ZFPM2: variants seen among roughly 807,000 people sequenced by gnomAD.
ZFPM2 encodes zinc finger protein, FOG family member 2.
Under a neutral mutation model 98.6 loss-of-function variants are expected in ZFPM2, and 20 were observed. That is an observed-to-expected ratio of 0.20 (90% confidence interval 0.14 to 0.29). ZFPM2 has a LOEUF of 0.29. Among genes scored for constraint, ZFPM2 ranks in the 10% least tolerant of loss-of-function variants. The probability of loss-of-function intolerance (pLI) is 1.00; values close to 1 mark genes in which losing one functional copy is unlikely to be tolerated. For synonymous variants in ZFPM2, 518 were observed against 502.7 expected (o/e 1.03, Z -0.41); for missense variants, 1,310 against 1,388.6 (o/e 0.94, Z 0.90).
At chr8:105,413,921 C>A (rs1811629452) in intron 1 of ZFPM2, among the ~76,000 whole-genome samples, 1 of 151,880 alleles carries the variant, frequency 6.6e-6, no homozygotes, top group Non-Finnish European at 1.5e-5. Context: ...GTTTTCGGGG[C>A]AAATTCACCT....
At chr8:105,789,672 A>G (rs1254990098) in intron 6 of ZFPM2, among the ~76,000 whole-genome samples, 1 of 152,072 alleles carries the variant, frequency 6.6e-6, no homozygotes, top group Non-Finnish European at 1.5e-5. Context: ...TGACTTCCAC[A>G]ATGGTTGAAC....
At chr8:105,560,120 A>G (rs1815097328) in intron 3 of ZFPM2, among the ~76,000 whole-genome samples, 2 of 149,978 alleles carry the variant, frequency 1.3e-5, no homozygotes, top group Admixed American at 6.7e-5. Flanking sequence ...GGCAGGAGAA[A>G]CTCTTGAACG....
chr8:105,386,646 G>T (rs1476896391), intron 1 of ZFPM2, among the ~76,000 whole-genome samples: 1 of 152,118 alleles, frequency 6.6e-6, no homozygotes, highest in Non-Finnish European at 1.5e-5. Flanking sequence ...TGCACAGAGC[G>T]AAAGAACAAA....
At chr8:105,789,107 T>TAAG (rs1813514712) in intron 6 of ZFPM2, 183 bp downstream of exon 6, 1 of 559,500 alleles carries the variant, frequency 1.8e-6, no homozygotes, top group East Asian at 3.0e-5. Context: ...TTTTATACTT[T>TAAG]AAGTTTTAGG....
chr8:105,389,011 G>GACGT (rs1243053616), intron 1 of ZFPM2, among the ~76,000 whole-genome samples: 3 of 121,508 alleles, frequency 2.5e-5, no homozygotes, highest in Non-Finnish European at 5.0e-5. Context: ...AGAATTTGAT[G>GACGT]ACGTGTGTGT....
chr8:105,363,457 G>GAAA (rs1340264941), intron 1 of ZFPM2, among the ~76,000 whole-genome samples: 2 of 151,938 alleles, frequency 1.3e-5, no homozygotes, highest in African/African-American at 4.8e-5. Flanking sequence ...AAGGAGTGAA[G>GAAA]AAAACTAACA....
intron 3 of ZFPM2, among the ~76,000 whole-genome samples, chr8:105,445,012 A>G (rs1315650074): frequency 3.9e-5 from 6 of 152,226 alleles, no homozygotes; most frequent in African/African-American, 1.2e-4. Context: ...TTTGGTGCCA[A>G]GTAATTTACA....
chr8:105,377,030 A>T (rs967466954), intron 1 of ZFPM2, among the ~76,000 whole-genome samples: 3 of 152,086 alleles, frequency 2.0e-5, no homozygotes, highest in Admixed American at 1.3e-4. Flanking sequence ...TGCTCTAACC[A>T]TGTGGCTCTT....
At chr8:105,503,443 A>C (rs1190687135) in intron 3 of ZFPM2, among the ~76,000 whole-genome samples, 2 of 152,204 alleles carry the variant, frequency 1.3e-5, no homozygotes, top group Non-Finnish European at 2.9e-5. Flanking sequence ...ATAAGAATAA[A>C]TTTCCAAACA....
At chr8:105,434,424 G>T (rs547818149) in intron 2 of ZFPM2, among the ~76,000 whole-genome samples, 2 of 152,248 alleles carry the variant, frequency 1.3e-5, no homozygotes, top group East Asian at 1.9e-4. Context: ...CCTTCCGTAT[G>T]AGCTGCAGTT....
intron 5 of ZFPM2, among the ~76,000 whole-genome samples, chr8:105,692,168 C>CG (rs1192578528): frequency 6.6e-6 from 1 of 152,142 alleles, no homozygotes; most frequent in African/African-American, 2.4e-5. Flanking sequence ...TATAAGGTGA[C>CG]TAAGTCCTTG....
chr8:105,411,731 C>G (rs1409834839), intron 1 of ZFPM2, among the ~76,000 whole-genome samples: 1 of 151,684 alleles, frequency 6.6e-6, no homozygotes, highest in Non-Finnish European at 1.5e-5. Context: ...GACCTGATTA[C>G]AAAATATTTG....
intron 5 of ZFPM2, among the ~76,000 whole-genome samples, chr8:105,705,743 G>C (rs530562495): frequency 6.6e-6 from 1 of 152,242 alleles, no homozygotes; most frequent in Admixed American, 6.5e-5. Context: ...GGACCCAAAG[G>C]AAGGTCTATT....
At chr8:105,493,581 A>C (rs1272284016) in intron 3 of ZFPM2, among the ~76,000 whole-genome samples, 1 of 152,160 alleles carries the variant, frequency 6.6e-6, no homozygotes, top group Non-Finnish European at 1.5e-5. Flanking sequence ...AAGTTTGTGC[A>C]CTGTGGTTAT....
chr8:105,358,838 C>G (rs1160175778), intron 1 of ZFPM2, among the ~76,000 whole-genome samples: 1 of 152,022 alleles, frequency 6.6e-6, no homozygotes, highest in Non-Finnish European at 1.5e-5. Flanking sequence ...GCCTGTAGTC[C>G]CAGCTACTTG....
chr8:105,394,689 C>T (rs924316047), intron 1 of ZFPM2, among the ~76,000 whole-genome samples: 26 of 152,254 alleles, frequency 1.7e-4, no homozygotes, highest in Admixed American at 6.5e-4. Context: ...GCTCTGGCCA[C>T]GGAATTCCCA....
At chr8:105,680,832 T>C (rs1810582728) in intron 5 of ZFPM2, among the ~76,000 whole-genome samples, 1 of 152,148 alleles carries the variant, frequency 6.6e-6, no homozygotes, top group Admixed American at 6.6e-5. Flanking sequence ...ACTATATTCT[T>C]ATAACATGAA....
At chr8:105,328,456 A>G (rs1361321835) in intron 1 of ZFPM2, among the ~76,000 whole-genome samples, 1 of 151,874 alleles carries the variant, frequency 6.6e-6, no homozygotes, top group Non-Finnish European at 1.5e-5. Flanking sequence ...TAGAAATTAT[A>G]GAACGAATAT....
intron 4 of ZFPM2, among the ~76,000 whole-genome samples, chr8:105,624,658 C>T (rs1265930772): frequency 6.6e-6 from 1 of 151,940 alleles, no homozygotes; most frequent in African/African-American, 2.4e-5. Flanking sequence ...TGGAAGCAAA[C>T]ATTGTTTTTA....
Sources: allele counts gnomAD v4.1 joint callset (sites outside exome capture counted in the v4.1 genomes callset), GRCh38; gene constraint gnomAD v4.1.1; transcripts MANE v1.5; gene names NCBI Gene and HGNC (gene_info 2026-07-23, HGNC 2026-07-21).